The following RBFOX1 variants were observed in gnomAD, a reference collection of about 807,000 sequenced individuals.
RBFOX1 encodes RNA binding fox-1 homolog 1.
Under a neutral mutation model 57.7 loss-of-function variants are expected in RBFOX1, and 8 were observed. That is an observed-to-expected ratio of 0.14 (90% CI 0.08 to 0.25). RBFOX1 has a LOEUF of 0.25. RBFOX1 is among the 10% of genes least tolerant of loss of function. RBFOX1 has a pLI of 1.00. For synonymous variants in RBFOX1, 326 were observed against 222.4 expected (o/e 1.47, Z -4.15); for missense variants, 611 against 548.5 (o/e 1.11, Z -1.14).
At chr16:6,831,020 G>A (rs999337942) in intron 3 of RBFOX1, among the ~76,000 whole-genome samples, 7 of 152,136 alleles carry the variant, frequency 4.6e-5, no homozygotes, top group Non-Finnish European at 1.0e-4. Context: ...TACCATCTAA[G>A]CCTTTTCCCA....
At chr16:6,917,253 G>A (rs926193104) in intron 3 of RBFOX1, among the ~76,000 whole-genome samples, 1 of 152,206 alleles carries the variant, frequency 6.6e-6, no homozygotes, top group Non-Finnish European at 1.5e-5. Context: ...TCACTGCAAA[G>A]AGTCTGTCCC....
rs529310567 is a variant in RBFOX1, at chr16:7,705,096, A to G, written c.996-3960A>G. ...GAGCCAGAGAAAGAAGCATCTCTTC[A>G]TCTCTCTAGGGAAGGGACATTTGAT... On this transcript the variant is annotated intron_variant, in intron 14 of 15. Transcript: ENST00000550418. Among the ~76,000 whole-genome samples, 10 of 151,538 alleles carry G rather than the reference A, an allele frequency of 6.6e-5. No individual in the cohort carries two copies. The South Asian group carries it at 1.9e-3, about 28-fold the overall frequency.
chr16:5,240,007 G>T lies in RBFOX1; in HGVS notation c.121G>T (p.Gly41Trp), dbSNP rs571059188. 4.3e-5 allele frequency: 66 copies of T among 1,531,214 alleles called. 1 individual carries two copies. The highest frequency in any genetic ancestry group is 2.3e-4 in the Middle Eastern group (1 of 4,370). 94.9% of individuals were successfully genotyped at this position (1,531,214 alleles called of 1,614,324 possible). A position where few individuals can be genotyped will look rare whatever the true frequency, so the allele number is the denominator to read the frequency against. Residue 41 changes from glycine to tryptophan, a missense_variant, in exon 1 of 3, where the codon GGG (glycine) becomes TGG (tryptophan). Gly to Trp is a radical substitution (Grantham distance 184, BLOSUM62 -2). Transcript: ENST00000585867. ...GAAGAGGCTGCGGCTGGGGCTGGAG[G>T]GGGGAAGCGCACAGCCCGAGGACTG...
chr16:6,851,586 C>A (rs978289911), intron 3 of RBFOX1, among the ~76,000 whole-genome samples: 1 of 151,990 alleles, frequency 6.6e-6, no homozygotes, highest in Non-Finnish European at 1.5e-5. Context: ...AAGAGCTTTC[C>A]CCTAAGAGAT....
chr16:5,313,168 G>C (rs949625681), intron 1 of RBFOX1, among the ~76,000 whole-genome samples: 1 of 152,180 alleles, frequency 6.6e-6, no homozygotes. Context: ...CCCGGGCAGG[G>C]ATGCTCATTA....
intron 2 of RBFOX1, among the ~76,000 whole-genome samples, chr16:6,645,288 C>T (rs942333673): frequency 3.3e-5 from 5 of 152,206 alleles, no homozygotes; most frequent in Non-Finnish European, 7.3e-5. Context: ...CATTCACAGG[C>T]ACTAGGGACT....
At chr16:7,050,735 A>C (rs1308262063) in intron 3 of RBFOX1, among the ~76,000 whole-genome samples, 1 of 152,224 alleles carries the variant, frequency 6.6e-6, no homozygotes, top group Non-Finnish European at 1.5e-5. Context: ...ATGTTATGCC[A>C]TACTATCAGT....
At chr16:6,079,245 G>A (rs1488157934) in intron 1 of RBFOX1, among the ~76,000 whole-genome samples, 2 of 152,238 alleles carry the variant, frequency 1.3e-5, no homozygotes, top group African/African-American at 2.4e-5. Context: ...GGTGGAGGTT[G>A]TAGTGAGCCA....
rs2084085274 is a variant in RBFOX1, at chr16:7,712,108, G to T, written c.*1363G>T. 1 of 152,604 alleles carries T rather than the reference G, an allele frequency of 6.6e-6. No homozygotes were observed. The highest frequency in any genetic ancestry group is 1.5e-5 in the Non-Finnish European group (1 of 68,036). 9.5% of individuals were successfully genotyped at this position (152,604 alleles called of 1,614,324 possible). On this transcript the variant is annotated 3_prime_UTR_variant, in exon 16 of 16. Transcript: ENST00000550418. ...CCTTTCTCGGATGCAGGGCCAGAGTGACACAGCCGAAAAATTGCAGTTTGT... is the reference window on the plus strand; with the variant it reads ...CCTTTCTCGGATGCAGGGCCAGAGTTACACAGCCGAAAAATTGCAGTTTGT...
intron 3 of RBFOX1, among the ~76,000 whole-genome samples, chr16:5,638,656 G>C (rs1483379438): frequency 1.3e-5 from 2 of 152,172 alleles, no homozygotes; most frequent in Non-Finnish European, 2.9e-5. Flanking sequence ...GTAGATTCTA[G>C]ATGGGGAGGA....
At chr16:6,569,931 C>T (rs2097321912) in intron 2 of RBFOX1, among the ~76,000 whole-genome samples, 1 of 152,142 alleles carries the variant, frequency 6.6e-6, no homozygotes, top group Non-Finnish European at 1.5e-5. Flanking sequence ...ATTCACTTGT[C>T]CTCAATAATA....
intron 3 of RBFOX1, among the ~76,000 whole-genome samples, chr16:5,821,345 G>T (rs1206919972): frequency 6.7e-6 from 1 of 148,858 alleles, no homozygotes; most frequent in Non-Finnish European, 1.5e-5. Context: ...ACCCAGGCTG[G>T]AGTGCAGTGT....
chr16:6,090,558 TG>T (rs1245575590), intron 1 of RBFOX1, among the ~76,000 whole-genome samples: 2 of 152,308 alleles, frequency 1.3e-5, no homozygotes, highest in Non-Finnish European at 2.9e-5. Flanking sequence ...TCAAAGGCAG[TG>T]GGAAAAATCT....
intron 4 of RBFOX1, among the ~76,000 whole-genome samples, chr16:7,099,132 A>G (rs1435222429): frequency 6.6e-6 from 1 of 152,064 alleles, no homozygotes; most frequent in Non-Finnish European, 1.5e-5. Context: ...GATGGCAGAT[A>G]GTAGCTGTTT....
chr16:5,986,168 A>G (rs1271470372), intron 4 of RBFOX1, among the ~76,000 whole-genome samples: 1 of 151,196 alleles, frequency 6.6e-6, no homozygotes, highest in Non-Finnish European at 1.5e-5. Context: ...GGTTCAAGCC[A>G]TTCTCCTGCC....
At chr16:6,804,309 A>G (rs1010705908) in intron 3 of RBFOX1, among the ~76,000 whole-genome samples, 3 of 152,044 alleles carry the variant, frequency 2.0e-5, no homozygotes, top group East Asian at 1.9e-4. Context: ...AGCCCTGCCA[A>G]TACATACAAA....
intron 3 of RBFOX1, among the ~76,000 whole-genome samples, chr16:6,788,508 C>G (rs149455645): frequency 0.019 from 2,863 of 151,668 alleles, 103 homozygotes; most frequent in African/African-American, 0.065. Flanking sequence ...GAGTCTCTTG[C>G]TCTGTCGCCC....
chr16:5,749,416 A>C (rs1473033342), intron 3 of RBFOX1, among the ~76,000 whole-genome samples: 1 of 152,078 alleles, frequency 6.6e-6, no homozygotes. Flanking sequence ...TTGGCCTGCC[A>C]TGCTAGGTTG....
chr16:7,087,443 T>C (rs2060160202), intron 4 of RBFOX1, among the ~76,000 whole-genome samples: 1 of 152,128 alleles, frequency 6.6e-6, no homozygotes. Flanking sequence ...CCACTGTGGC[T>C]GGCCGCCTAA....
Sources: allele counts gnomAD v4.1 joint callset (sites outside exome capture counted in the v4.1 genomes callset), GRCh38; gene constraint gnomAD v4.1.1; transcripts MANE v1.5; gene names NCBI Gene and HGNC (gene_info 2026-07-23, HGNC 2026-07-21).